Variants in TM9SF1 observed in about 807,000 individuals in gnomAD.
The protein encoded by TM9SF1 is MP70 protein family member.
In TM9SF1, 25 loss-of-function variants were observed where a neutral mutation model predicts 52.4. The observed-to-expected ratio is 0.48, with a 90% CI of 0.35 to 0.67. The LOEUF (loss-of-function observed/expected upper bound fraction) is 0.67. Ranked by LOEUF, TM9SF1 falls within the 30% of genes least tolerant of loss-of-function variation. The pLI is 0.01. For synonymous variants in TM9SF1, 284 were observed against 299.8 expected, an observed-to-expected ratio of 0.95 and a Z score of 0.55; for missense variants, 604 against 780.3, an observed-to-expected ratio of 0.77 and a Z score of 2.69.
At position 24,192,068 on chromosome 14, in the gene TM9SF1, T is replaced by C; in HGVS notation, c.1153+103A>G. 8.1e-7 allele frequency: 1 copy of C among 1,231,306 alleles called. No homozygotes were observed. The highest frequency in any genetic ancestry group is 1.2e-6 in the Non-Finnish European group (1 of 847,980). 76.3% of individuals were successfully genotyped at this position (1,231,306 alleles called of 1,614,324 possible). On this transcript the variant is annotated intron_variant, in intron 4 of 5. Transcript: ENST00000261789. The surrounding 1 kb of genome is among the most constrained non-coding windows in gnomAD (Gnocchi z 4.0). Reference sequence around the variant, plus strand: ...CTCAAGTGATCCTCCGGCCTCGGTCTCCCAAAGTGCTAGGATTACAGGTGT... The same window carrying C: ...CTCAAGTGATCCTCCGGCCTCGGTCCCCCAAAGTGCTAGGATTACAGGTGT...
Position 24,190,485 on chromosome 14 carries a change from A to G in TM9SF1, c.1322T>C (p.Phe441Ser). ...GTTCTTGGTGCGACAGGGTGCATCA[A>G]AGGGGCTGGCGTTGTTCTTCCCAAA... ...GIFGKNNASPFDAPCRTKNIA... is the reference protein window; with the variant it reads ...GIFGKNNASPSDAPCRTKNIA... The change falls in exon 5 of 6, where the codon TTT (phenylalanine) becomes TCT (serine). Residue 441 changes from phenylalanine (F) to serine (S), a missense_variant. By Grantham distance (155) the Phe-to-Ser change is radical. Around this residue, in one of 3 missense-constraint regions of TM9SF1, gnomAD observed 450 missense variants for 560.1 expected, o/e 0.80. Transcript: ENST00000261789. 6.2e-7 allele frequency: 1 copy of G among 1,614,174 alleles called. No homozygotes were observed. Among genetic ancestry groups the G allele is most frequent in the African/African-American group, 1.3e-5 (1 of 75,020 alleles).
At position 24,192,207 on chromosome 14, in the gene TM9SF1, C is replaced by T. The variant is rs775833062; in HGVS notation, c.1117G>A (p.Val373Met). The T allele has an allele frequency of 1.9e-6, 3 of 1,614,194 alleles. No individual in the cohort carries two copies. Among genetic ancestry groups the T allele is most frequent in the South Asian group, 2.2e-5 (2 of 91,082 alleles). Residue 373 changes from valine (V) to methionine (M), a missense_variant, in exon 4 of 6, where the codon GTG becomes ATG. Transcript: ENST00000261789. This position sits in a 1 kb window ranked among gnomAD's most constrained non-coding sequence, Gnocchi z 4.0. ...CTGGTGGTGAGAATGATGTTCCACA[C>T]CCAACGCTCGCCTCCAATCTGCCGG... is the stretch of plus-strand genomic sequence containing the variant. Reference protein sequence around the residue: ...FYRQIGGERWVWNIILTTSLF... With the variant: ...FYRQIGGERWMWNIILTTSLF...
At position 24,194,984 on chromosome 14, in the gene TM9SF1, G is replaced by T. The variant is rs1474326820; in HGVS notation, c.36C>A (p.Cys12Ter). ...TVVGNPRSWS[C>*]QWLPILILLL... The stretch of plus-strand genomic sequence containing the variant: ...ACAGTATCAGGATTGGCAACCACTG[G>T]CAGCTCCAACTTCGAGGGTTCCCTA... The change falls in exon 2 of 6, where the codon TGC becomes TGA. Residue 12 changes from cysteine (C) to a stop codon, truncating the protein, a stop_gained. Transcript: ENST00000261789. LOFTEE classifies it high-confidence loss of function. 1 of 1,614,098 alleles carries T rather than the reference G, an allele frequency of 6.2e-7. No homozygotes were observed. Among genetic ancestry groups the T allele is most frequent in the Non-Finnish European group, 8.5e-7 (1 of 1,179,998 alleles).
At position 24,192,283 on chromosome 14, in the gene TM9SF1, C is replaced by T. The variant is rs1449456598; in HGVS notation, c.1041G>A (p.Leu347=). Residue 347 remains leucine, a synonymous_variant, in exon 4 of 6, where the codon TTG becomes TTA. Transcript: ENST00000261789. This position sits in a 1 kb window ranked among gnomAD's most constrained non-coding sequence, Gnocchi z 4.0. The part of the protein sequence containing the change: ...RHGAINSAAI[L]LYALTCCISG... ...AGATGCAGCAGGTCAGGGCATACAA[C>T]AAGATGGCTGCTGAGTTAATGGCCC... 6.2e-7 allele frequency: 1 copy of T among 1,614,194 alleles called. No individual in the cohort carries two copies. Among genetic ancestry groups the T allele is most frequent in the South Asian group, 1.1e-5 (1 of 91,082 alleles).
At chr14:24,190,215 T>G (rs536560866) in intron 5 of TM9SF1, 165 bp downstream of exon 5, 236 of 1,459,884 alleles carry the variant, frequency 1.6e-4, no homozygotes, top group Admixed American at 9.4e-4. Context: ...CTCATATCAT[T>G]CAAGCTCAGT....
At chr14:24,194,540 G>T in intron 2 of TM9SF1, 135 bp downstream of exon 2, 1 of 849,208 alleles carries the variant, frequency 1.2e-6, no homozygotes, top group Non-Finnish European at 1.9e-6. Context: ...CACCTAACCT[G>T]CCTGCCACAC....
At chr14:24,195,062 A>G (rs1384048420) in intron 1 of TM9SF1, 26 bp from the exon 2 acceptor site, 1 of 1,565,248 alleles carries the variant, frequency 6.4e-7, no homozygotes, top group South Asian at 1.1e-5. Flanking sequence ...CTGAGGTTAT[A>G]GAAACCAGGG....
At position 24,192,511 on chromosome 14, in the gene TM9SF1, C is replaced by T; in HGVS notation, c.967+137G>A. The stretch of plus-strand genomic sequence containing the variant: ...CAGAAAATCTACAATAGAATACGTG[C>T]ATTCTTGCTAGAGCCACCCTATCCC... On this transcript the variant is annotated intron_variant, in intron 3 of 5. Coordinates refer to ENST00000261789, the MANE Select transcript of TM9SF1 (RefSeq NM_006405.7). This position sits in a 1 kb window ranked among gnomAD's most constrained non-coding sequence, Gnocchi z 4.0. 1 of 1,367,942 alleles carries T rather than the reference C, an allele frequency of 7.3e-7. No homozygotes were observed. Among genetic ancestry groups the T allele is most frequent in the Non-Finnish European group, 1.0e-6 (1 of 1,002,504 alleles). 84.7% of individuals were successfully genotyped at this position (1,367,942 alleles called of 1,614,324 possible).
chr14:24,189,895 C>A (rs2138826575), intron 5 of TM9SF1, 87 bp from the exon 6 acceptor site: 3 of 1,486,946 alleles, frequency 2.0e-6, no homozygotes, highest in South Asian at 2.8e-5. Flanking sequence ...CCCACCCTCT[C>A]CCATGTTGCT....
At position 24,189,636 on chromosome 14, in the gene TM9SF1, G is replaced by C; in HGVS notation, c.1600C>G (p.Arg534Gly). 1 of 1,614,108 alleles carries C rather than the reference G, an allele frequency of 6.2e-7. No individual in the cohort carries two copies. The highest frequency in any genetic ancestry group is 8.5e-7 in the Non-Finnish European group (1 of 1,180,016). ...LSGEDYRWWW[R>G]SVLSVGSTGL... ...GTGGAGCCAACACTCAGCACAGATC[G>C]CCACCACCAGCGGTAATCCTCCCCA... The change falls in exon 6 of 6, where the codon CGA (arginine) becomes GGA (glycine). Residue 534 changes from arginine (R) to glycine (G), a missense_variant. By Grantham distance (125) the Arg-to-Gly change is moderately radical. This residue lies in a region of TM9SF1 where 107 missense variants were observed against 180.5 expected (regional missense o/e 0.59). Coordinates refer to ENST00000261789, the MANE Select transcript of TM9SF1 (RefSeq NM_006405.7).
At position 24,189,385 on chromosome 14, in the gene TM9SF1, G is replaced by A; in HGVS notation, c.*30C>T. The A allele has an allele frequency of 6.3e-7, 1 of 1,582,450 alleles. No homozygotes were observed. Among genetic ancestry groups the A allele is most frequent in the Non-Finnish European group, 8.6e-7 (1 of 1,163,838 alleles). ...GTTCAACAGGGCATGAAGAAAGGGA[G>A]AGAACAGCAATAGTTCTGCCATACA... On this transcript the variant is annotated 3_prime_UTR_variant, in exon 6 of 6. Coordinates refer to ENST00000261789, the MANE Select transcript of TM9SF1 (RefSeq NM_006405.7).
chr14:24,189,963 G>A (rs1488694530), intron 5 of TM9SF1, 155 bp from the exon 6 acceptor site: 2 of 1,393,982 alleles, frequency 1.4e-6, no homozygotes, highest in Non-Finnish European at 1.9e-6. Flanking sequence ...CTGGCTTCAT[G>A]GGGATTTTTT....
At chr14:24,191,996 G>T (rs1339996480) in intron 4 of TM9SF1, 175 bp downstream of exon 4, 2 of 646,600 alleles carry the variant, frequency 3.1e-6, no homozygotes, top group East Asian at 2.7e-5. Flanking sequence ...TTTTGTTATA[G>T]AGAGAGGGTC....
In TM9SF1 at chr14:24,192,224, A is replaced by G. The variant is rs777923081; in HGVS notation, c.1100T>C (p.Ile367Thr). 3 of 1,614,192 alleles carry G rather than the reference A, an allele frequency of 1.9e-6. No individual in the cohort carries two copies. Among genetic ancestry groups the G allele is most frequent in the Non-Finnish European group, 2.5e-6 (3 of 1,180,030 alleles). Residue 367 changes from isoleucine (I) to threonine (T), a missense_variant, in exon 4 of 6, where the codon ATT (isoleucine) becomes ACT (threonine). Coordinates refer to ENST00000261789, the MANE Select transcript of TM9SF1 (RefSeq NM_006405.7). This position sits in a 1 kb window ranked among gnomAD's most constrained non-coding sequence, Gnocchi z 4.0. ...GYVSSHFYRQ[I>T]GGERWVWNII... ...GTTCCACACCCAACGCTCGCCTCCA[A>G]TCTGCCGGTAGAAGTGGCTGGACAC...
chr14:24,193,403 G>A (rs1195351454), intron 2 of TM9SF1, 134 bp from the exon 3 acceptor site: 2 of 1,040,468 alleles, frequency 1.9e-6, no homozygotes, highest in Non-Finnish European at 1.3e-6. Context: ...GTCTTGCTCT[G>A]TCACCCAGGC....
Position 24,192,927 on chromosome 14 carries a change from G to T in TM9SF1, c.688C>A (p.Arg230=). Residue 230 remains arginine (R), a synonymous_variant, in exon 3 of 6, where the codon CGA becomes AGA. Coordinates refer to ENST00000261789, the MANE Select transcript of TM9SF1 (RefSeq NM_006405.7). This position sits in a 1 kb window ranked among gnomAD's most constrained non-coding sequence, Gnocchi z 4.0. ...RRGDDGGFFP[R]TLEIHWLSII... ...GACAACCAATGGATTTCCAGTGTTC[G>T]AGGAAAGAAACCACCATCGTCACCA... is the stretch of plus-strand genomic sequence containing the variant. 3 of 1,614,100 alleles carry T rather than the reference G, an allele frequency of 1.9e-6. No homozygotes were observed. The highest frequency in any genetic ancestry group is 2.5e-6 in the Non-Finnish European group (3 of 1,180,002).
intron 2 of TM9SF1, among the ~76,000 whole-genome samples, chr14:24,194,127 T>A (rs1464781091): frequency 1.3e-5 from 2 of 152,162 alleles, no homozygotes; most frequent in African/African-American, 2.4e-5. Flanking sequence ...GGGACAAAAC[T>A]GTTCCCTGTT....
intron 2 of TM9SF1, among the ~76,000 whole-genome samples, chr14:24,193,910 ACT>A (rs975147221): frequency 6.8e-6 from 1 of 146,824 alleles, no homozygotes; most frequent in Non-Finnish European, 1.5e-5. Flanking sequence ...ACAGAGCAAG[ACT>A]CTGTCTCAAA....
At chr14:24,189,916 G>A in intron 5 of TM9SF1, 108 bp from the exon 6 acceptor site, 3 of 1,454,026 alleles carry the variant, frequency 2.1e-6, no homozygotes, top group Admixed American at 2.7e-5. Flanking sequence ...GGGTCATTGT[G>A]AAAAGTGAGT....
Sources: allele counts gnomAD v4.1 joint callset (sites outside exome capture counted in the v4.1 genomes callset), GRCh38; gene constraint gnomAD v4.1.1; regional missense constraint gnomAD v4.1.1; non-coding constraint Gnocchi (gnomAD v3.1); transcripts MANE v1.5; gene names NCBI Gene and HGNC (gene_info 2026-07-23, HGNC 2026-07-21).